CTNNA3: variants seen among roughly 807,000 people sequenced by gnomAD.
CTNNA3 encodes catenin alpha-3.
A neutral mutation model predicts 95.7 loss-of-function variants in CTNNA3; 76 were observed. The observed-to-expected ratio is 0.79, with a 90% CI of 0.66 to 0.96. CTNNA3 has a LOEUF of 0.96. CTNNA3 is among the 40% of genes least tolerant of loss of function. The pLI is 0.00. For synonymous variants in CTNNA3, 431 were observed against 374.4 expected, an observed-to-expected ratio of 1.15 and a Z score of -1.74; for missense variants, 1,191 against 1,089.8, an observed-to-expected ratio of 1.09 and a Z score of -1.31.
In CTNNA3 at chr10:66,855,260, G is replaced by A. The variant is rs568834779; in HGVS notation, c.1048-79736C>T. 6.6e-5 allele frequency among the ~76,000 whole-genome samples: 10 copies of A among 152,004 alleles called. No individual in the cohort carries two copies. The South Asian group carries it at 1.9e-3, about 28-fold the overall frequency. ...TATCTAGCGATCTTTGTAAATCGTGGCATAACTAGGCTTTACCACAGAACA... is the reference window on the plus strand; with the variant it reads ...TATCTAGCGATCTTTGTAAATCGTGACATAACTAGGCTTTACCACAGAACA... On this transcript the variant is annotated intron_variant, in intron 7 of 17. Coordinates refer to ENST00000433211, the MANE Select transcript of CTNNA3 (RefSeq NM_013266.4).
Position 66,042,899 on chromosome 10 carries a change from C to CAAAAAAAA in CTNNA3, c.2159+26401_2159+26408dup, listed in dbSNP as rs60090636. On this transcript the variant is annotated intron_variant, in intron 15 of 17. Coordinates refer to ENST00000433211, the MANE Select transcript of CTNNA3 (RefSeq NM_013266.4). ...TGGGTGACTGAGCGAGACTCTGTCT[C>CAAAAAAAA]AAAAAAAAAAAAAAAAAAAAAAAAA... is the stretch of plus-strand genomic sequence containing the variant. Among the ~76,000 whole-genome samples, 57 of 50,420 alleles carry CAAAAAAAA rather than the reference C, an allele frequency of 1.1e-3. 1 individual carries two copies. The highest frequency in any genetic ancestry group is 1.8e-3 in the East Asian group (3 of 1,670). The allele number at this position is 50,420 out of a possible 152,430, so 33.1% of individuals were successfully genotyped here.
intron 1 of CTNNA3, among the ~76,000 whole-genome samples, chr10:67,722,255 G>A (rs1841183452): frequency 6.6e-6 from 1 of 152,182 alleles, no homozygotes; most frequent in Admixed American, 6.6e-5. Context: ...TTTGGGAATA[G>A]TTCAGAGAAA....
intron 12 of CTNNA3, among the ~76,000 whole-genome samples, chr10:66,308,269 G>A (rs2091958223): frequency 2.0e-5 from 3 of 152,082 alleles, no homozygotes; most frequent in Admixed American, 2.0e-4. Context: ...TACATTGTTT[G>A]ATATAATCAT....
chr10:66,573,383 T>C (rs989021742), intron 10 of CTNNA3, among the ~76,000 whole-genome samples: 1 of 152,178 alleles, frequency 6.6e-6, no homozygotes, highest in Non-Finnish European at 1.5e-5. Context: ...TCGCAGCCCA[T>C]AGCTTCAGGT....
At chr10:66,692,814 T>C (rs1007682430) in intron 9 of CTNNA3, among the ~76,000 whole-genome samples, 1 of 152,106 alleles carries the variant, frequency 6.6e-6, no homozygotes, top group Non-Finnish European at 1.5e-5. Context: ...TATTCAACAT[T>C]CTTAAAGAAA....
intron 13 of CTNNA3, among the ~76,000 whole-genome samples, chr10:66,262,351 A>G (rs528068721): frequency 1.3e-5 from 2 of 152,102 alleles, no homozygotes; most frequent in East Asian, 3.9e-4. Flanking sequence ...TAAACCTTCA[A>G]ATAACTATTT....
chr10:67,325,648 T>G (rs1185607292), intron 5 of CTNNA3, among the ~76,000 whole-genome samples: 2 of 152,270 alleles, frequency 1.3e-5, no homozygotes, highest in South Asian at 2.1e-4. Flanking sequence ...GTTTTACTTC[T>G]GATTATGTGA....
chr10:66,225,962 T>G (rs72797250), intron 13 of CTNNA3, among the ~76,000 whole-genome samples: 2,819 of 152,242 alleles, frequency 0.019, 42 homozygotes, highest in Non-Finnish European at 0.03. Context: ...TTCTTAATAT[T>G]AATCCCTTGT....
intron 12 of CTNNA3, among the ~76,000 whole-genome samples, chr10:66,345,205 C>A (rs1241803672): frequency 6.6e-6 from 1 of 151,900 alleles, no homozygotes; most frequent in African/African-American, 2.4e-5. Context: ...GTGATGGGAA[C>A]AAAGCAAGAT....
chr10:66,618,292 G>A (rs1021119315), intron 10 of CTNNA3, among the ~76,000 whole-genome samples: 22 of 151,854 alleles, frequency 1.4e-4, no homozygotes, highest in East Asian at 5.8e-4. Context: ...GAGGCATCAC[G>A]CTACCTGACT....
At chr10:66,559,329 C>G (rs1427649052) in intron 10 of CTNNA3, among the ~76,000 whole-genome samples, 1 of 151,966 alleles carries the variant, frequency 6.6e-6, no homozygotes, top group East Asian at 1.9e-4. Context: ...CAGGCATGAT[C>G]TGGTTTTTAC....
chr10:67,307,795 C>T (rs541322765), intron 5 of CTNNA3, among the ~76,000 whole-genome samples: 1 of 152,174 alleles, frequency 6.6e-6, no homozygotes, highest in South Asian at 2.1e-4. Context: ...CATTAATTCT[C>T]GTGTACATTA....
intron 12 of CTNNA3, among the ~76,000 whole-genome samples, chr10:66,331,963 C>T (rs2092335885): frequency 6.6e-6 from 1 of 151,928 alleles, no homozygotes; most frequent in Non-Finnish European, 1.5e-5. Flanking sequence ...TTGTTTGTAT[C>T]GTCTTTTATT....
chr10:66,976,251 T>C (rs767580534), intron 7 of CTNNA3, among the ~76,000 whole-genome samples: 10 of 152,148 alleles, frequency 6.6e-5, no homozygotes, highest in Admixed American at 5.2e-4. Flanking sequence ...AACATAGAAA[T>C]GGAATGGCGG....
chr10:67,070,057 A>T (rs751066790), intron 7 of CTNNA3, among the ~76,000 whole-genome samples: 7 of 152,196 alleles, frequency 4.6e-5, no homozygotes, highest in Non-Finnish European at 1.0e-4. Flanking sequence ...GTTGACCAAC[A>T]CATATTTTCT....
At chr10:66,831,978 A>T (rs2132322883) in intron 7 of CTNNA3, among the ~76,000 whole-genome samples, 1 of 152,350 alleles carries the variant, frequency 6.6e-6, no homozygotes, top group Non-Finnish European at 1.5e-5. Context: ...CTTTATCAAC[A>T]AATAGCATAA....
intron 14 of CTNNA3, among the ~76,000 whole-genome samples, chr10:66,080,918 T>C (rs1179568441): frequency 6.6e-6 from 1 of 152,172 alleles, no homozygotes; most frequent in Non-Finnish European, 1.5e-5. Flanking sequence ...GGTTCACAGA[T>C]GCTTAAGAAA....
At chr10:65,939,549 GACACATTC>G (rs1284689585) in intron 17 of CTNNA3, among the ~76,000 whole-genome samples, 1 of 152,036 alleles carries the variant, frequency 6.6e-6, no homozygotes, top group Non-Finnish European at 1.5e-5. Context: ...AGATTTGGGG[GACACATTC>G]CTATATTAAT....
intron 7 of CTNNA3, among the ~76,000 whole-genome samples, chr10:67,039,082 T>A (rs1266433970): frequency 1.3e-5 from 2 of 152,036 alleles, no homozygotes; most frequent in East Asian, 3.9e-4. Context: ...TTTTTACAGT[T>A]TCTACCTGTC....
Sources: allele counts gnomAD v4.1 joint callset (sites outside exome capture counted in the v4.1 genomes callset), GRCh38; gene constraint gnomAD v4.1.1; transcripts MANE v1.5; gene names NCBI Gene and HGNC (gene_info 2026-07-23, HGNC 2026-07-21).